The following RAD51B variants were observed in gnomAD, a reference collection of about 807,000 sequenced individuals.
RAD51B encodes RAD51 paralog B, also known as DNA repair protein RAD51 homolog 2.
Under a neutral mutation model 42.2 loss-of-function variants are expected in RAD51B, and 38 were observed. That is an observed-to-expected ratio of 0.90 (90% CI 0.70 to 1.18). The LOEUF is 1.18. Among genes scored for constraint, RAD51B ranks in the 50% most tolerant of loss-of-function variants. The probability of loss-of-function intolerance (pLI) is 0.00; values close to 1 mark genes in which losing one functional copy is unlikely to be tolerated. For synonymous variants in RAD51B, 154 were observed against 145.2 expected (o/e 1.06, Z -0.43); for missense variants, 373 against 400.7 (o/e 0.93, Z 0.59).
chr14:68,150,082 T>C (rs1244078824), intron 7 of RAD51B, among the ~76,000 whole-genome samples: 2 of 152,042 alleles, frequency 1.3e-5, no homozygotes, highest in African/African-American at 4.8e-5. Flanking sequence ...GTAGTTGGGA[T>C]TACAGGTATG....
chr14:67,831,174 C>T (rs57348219), intron 3 of RAD51B, among the ~76,000 whole-genome samples: 5,623 of 151,996 alleles, frequency 0.037, 310 homozygotes, highest in African/African-American at 0.12. Context: ...CGCCCCCGGC[C>T]AGTACTTGTC....
At chr14:67,976,397 T>G (rs1244659975) in intron 7 of RAD51B, among the ~76,000 whole-genome samples, 2 of 151,972 alleles carry the variant, frequency 1.3e-5, no homozygotes, top group Admixed American at 1.3e-4. Flanking sequence ...GAATTACAGG[T>G]GTGAGCCACT....
At chr14:67,969,427 G>A (rs1044629365) in intron 7 of RAD51B, among the ~76,000 whole-genome samples, 1 of 152,152 alleles carries the variant, frequency 6.6e-6, no homozygotes, top group African/African-American at 2.4e-5. Flanking sequence ...GGAGTTAAAT[G>A]TAACCAGGAC....
intron 7 of RAD51B, among the ~76,000 whole-genome samples, chr14:68,289,213 A>G (rs2081470262): frequency 6.6e-6 from 1 of 152,218 alleles, no homozygotes; most frequent in African/African-American, 2.4e-5. Flanking sequence ...AATAATAACA[A>G]TAACAACAAT....
At chr14:67,832,364 A>G (rs1276496958) in intron 3 of RAD51B, among the ~76,000 whole-genome samples, 1 of 152,236 alleles carries the variant, frequency 6.6e-6, no homozygotes, top group Admixed American at 6.5e-5. Context: ...ATACATGCCA[A>G]TTTTATAAAA....
At chr14:68,182,439 A>G (rs1324244327) in intron 7 of RAD51B, among the ~76,000 whole-genome samples, 1 of 152,262 alleles carries the variant, frequency 6.6e-6, no homozygotes, top group Non-Finnish European at 1.5e-5. Flanking sequence ...TGTAACTTTT[A>G]ATATTCAATT....
At chr14:68,458,523 T>G (rs2085761042) in intron 9 of RAD51B, among the ~76,000 whole-genome samples, 1 of 152,066 alleles carries the variant, frequency 6.6e-6, no homozygotes, top group African/African-American at 2.4e-5. Flanking sequence ...TTTGGGAACT[T>G]GATGTGTTAT....
intron 7 of RAD51B, among the ~76,000 whole-genome samples, chr14:67,911,326 T>C (rs570851857): frequency 6.6e-6 from 1 of 152,362 alleles, no homozygotes; most frequent in Admixed American, 6.5e-5. Flanking sequence ...GACTGTACCC[T>C]AGTTCAATTG....
intron 7 of RAD51B, among the ~76,000 whole-genome samples, chr14:68,130,578 C>T (rs1037567620): frequency 3.3e-5 from 5 of 152,168 alleles, no homozygotes; most frequent in Non-Finnish European, 5.9e-5. Flanking sequence ...AATTAAAGAT[C>T]TCAGAAATTC....
intron 7 of RAD51B, among the ~76,000 whole-genome samples, chr14:68,081,852 G>A (rs1187451623): frequency 6.6e-6 from 1 of 152,184 alleles, no homozygotes; most frequent in Non-Finnish European, 1.5e-5. Context: ...TGAAGAATAC[G>A]CTTTGACCTA....
intron 8 of RAD51B, among the ~76,000 whole-genome samples, chr14:68,391,175 TTTCTTTC>T (rs1490242321): frequency 6.6e-6 from 1 of 151,464 alleles, no homozygotes; most frequent in Non-Finnish European, 1.5e-5. Flanking sequence ...TCTTTCTTTC[TTTCTTTC>T]TTCTTTCCTT....
At chr14:68,603,596 C>G (rs17105966) in intron 10 of RAD51B, among the ~76,000 whole-genome samples, 4 of 152,040 alleles carry the variant, frequency 2.6e-5, no homozygotes, top group Non-Finnish European at 5.9e-5. Context: ...AATAAGGCAA[C>G]CCGAGACTTC....
intron 8 of RAD51B, among the ~76,000 whole-genome samples, chr14:68,406,283 A>G (rs2084271774): frequency 6.6e-6 from 1 of 152,206 alleles, no homozygotes; most frequent in African/African-American, 2.4e-5. Flanking sequence ...AACATCATAG[A>G]ATGTATTTAC....
intron 11 of RAD51B, among the ~76,000 whole-genome samples, chr14:68,658,363 T>A (rs1430011513): frequency 2.6e-5 from 4 of 152,320 alleles, no homozygotes; most frequent in African/African-American, 9.6e-5. Context: ...GTCCTCATGG[T>A]GCATGGCAAC....
intron 8 of RAD51B, among the ~76,000 whole-genome samples, chr14:68,393,197 T>G (rs1283950390): frequency 6.6e-6 from 1 of 152,186 alleles, no homozygotes; most frequent in East Asian, 1.9e-4. Flanking sequence ...ATTGAGCTAT[T>G]TAACAATAGC....
chr14:68,524,062 C>T (rs1886765132), intron 10 of RAD51B, among the ~76,000 whole-genome samples: 1 of 152,088 alleles, frequency 6.6e-6, no homozygotes, highest in Non-Finnish European at 1.5e-5. Flanking sequence ...GTACCAGACA[C>T]TGTTCTAAGG....
At chr14:68,553,867 C>G (rs1042476261) in intron 10 of RAD51B, among the ~76,000 whole-genome samples, 17 of 152,158 alleles carry the variant, frequency 1.1e-4, no homozygotes, top group Non-Finnish European at 2.2e-4. Flanking sequence ...AAGTAAAAAT[C>G]GTCTCTGCAA....
intron 7 of RAD51B, among the ~76,000 whole-genome samples, chr14:68,220,116 C>T (rs1002878930): frequency 2.0e-5 from 3 of 152,020 alleles, no homozygotes; most frequent in Non-Finnish European, 2.9e-5. Flanking sequence ...TCAAATTAAC[C>T]CAATCCATCA....
At chr14:68,531,085 C>A (rs1162616549) in intron 10 of RAD51B, among the ~76,000 whole-genome samples, 1 of 150,522 alleles carries the variant, frequency 6.6e-6, no homozygotes, top group African/African-American at 2.4e-5. Flanking sequence ...GAACATCAAT[C>A]TATAGGTTCT....
Sources: gnomAD v4.1 joint callset for allele counts (sites outside exome capture counted in the v4.1 genomes callset) on GRCh38, gnomAD v4.1.1 for gene constraint, MANE v1.5 for transcripts, NCBI Gene and HGNC (gene_info 2026-07-23, HGNC 2026-07-21) for gene names.